The following ESRRB variants were observed in gnomAD, a reference collection of about 807,000 sequenced individuals.
ESRRB encodes steroid hormone receptor ERR2.
A neutral mutation model predicts 46.0 loss-of-function variants in ESRRB; 16 were observed. That is an observed-to-expected ratio of 0.35 (90% CI 0.24 to 0.53). The LOEUF (loss-of-function observed/expected upper bound fraction) is 0.53, where lower values mean the gene tolerates loss of function less well. Ranked by LOEUF, ESRRB falls within the 20% of genes least tolerant of loss-of-function variation. ESRRB has a pLI of 0.93. For synonymous variants in ESRRB, 246 were observed against 259.6 expected (o/e 0.95, Z 0.50); for missense variants, 488 against 607.4 (o/e 0.80, Z 2.07).
intron 1 of ESRRB, among the ~76,000 whole-genome samples, chr14:76,394,648 G>T (rs1469624407): frequency 1.3e-5 from 2 of 152,220 alleles, no homozygotes; most frequent in Non-Finnish European, 2.9e-5. Context: ...GCCAGGGCTT[G>T]GCCTCTTGAC....
At chr14:76,350,568 C>A (rs1884302311) in intron 1 of ESRRB, among the ~76,000 whole-genome samples, 1 of 151,852 alleles carries the variant, frequency 6.6e-6, no homozygotes, top group Non-Finnish European at 1.5e-5. Context: ...TGAGTCACTC[C>A]CCAGTTTTCA....
At chr14:76,385,837 C>T (rs1424451204) in intron 1 of ESRRB, among the ~76,000 whole-genome samples, 1 of 152,096 alleles carries the variant, frequency 6.6e-6, no homozygotes, top group Non-Finnish European at 1.5e-5. Context: ...AGTAATTGAC[C>T]AGAAATTTAC....
chr14:76,353,434 A>G (rs72731613), intron 1 of ESRRB, among the ~76,000 whole-genome samples: 11,420 of 152,152 alleles, frequency 0.075, 604 homozygotes, highest in Admixed American at 0.12. Flanking sequence ...AGACTCGGGG[A>G]TTACAGTTCC....
At chr14:76,367,949 CTTTT>C (rs778235037), upstream of ESRRB, among the ~76,000 whole-genome samples, 14 of 95,284 alleles carry the variant, frequency 1.5e-4, no homozygotes, top group African/African-American at 2.9e-4. Flanking sequence ...TTCCAGTTTG[CTTTT>C]TTTTTTTTTT....
At chr14:76,462,179 GGTGGTGGTA>G (rs1888893865) in intron 2 of ESRRB, among the ~76,000 whole-genome samples, 2 of 152,034 alleles carry the variant, frequency 1.3e-5, no homozygotes, top group Middle Eastern at 3.4e-3. Context: ...TGGTGGTGGT[GGTGGTGGTA>G]GTGGTGGTCT....
chr14:76,430,790 T>C (rs540479013), intron 1 of ESRRB, among the ~76,000 whole-genome samples: 1 of 152,346 alleles, frequency 6.6e-6, no homozygotes, highest in South Asian at 2.1e-4. Context: ...CCCAGCTGCT[T>C]GTTCCAGTTC....
intron 2 of ESRRB, among the ~76,000 whole-genome samples, chr14:76,444,878 T>C (rs921470769): frequency 3.3e-5 from 5 of 151,924 alleles, no homozygotes; most frequent in African/African-American, 1.2e-4. Flanking sequence ...GCTCTGAAAA[T>C]TGGGCCAGGT....
At position 76,376,654 on chromosome 14, in the gene ESRRB, C is replaced by T. The variant is rs1399455605; in HGVS notation, c.50+203C>T. Among the ~76,000 whole-genome samples the T allele has an allele frequency of 2.0e-5, 3 of 152,192 alleles. No individual in the cohort carries two copies. Among genetic ancestry groups the T allele is most frequent in the Admixed American group, 6.5e-5 (1 of 15,276 alleles). On this transcript the variant is annotated intron_variant, in intron 1 of 6. Transcript: ENST00000644823. The surrounding 1 kb of genome is among the most constrained non-coding windows in gnomAD (Gnocchi z 4.1). ...AACCCTCCTCTAACTTTTTCCCGCA[C>T]CCCCTTTTACAAATCCACACTTTCA...
At chr14:76,351,986 T>TAAAAAAAAAA (rs201356393) in intron 1 of ESRRB, among the ~76,000 whole-genome samples, 13 of 91,778 alleles carry the variant, frequency 1.4e-4, no homozygotes, top group African/African-American at 5.8e-4. Flanking sequence ...CCCAGTCTCT[T>TAAAAAAAAAA]AAAAAAAAAA....
At chr14:76,464,985 T>A (rs1889044641) in intron 3 of ESRRB, among the ~76,000 whole-genome samples, 2 of 151,928 alleles carry the variant, frequency 1.3e-5, no homozygotes, top group South Asian at 4.2e-4. Flanking sequence ...GACCTGTTGT[T>A]CTCACATACA....
intron 1 of ESRRB, among the ~76,000 whole-genome samples, chr14:76,405,551 T>C (rs968880082): frequency 6.6e-6 from 1 of 151,866 alleles, no homozygotes; most frequent in Non-Finnish European, 1.5e-5. Context: ...TCAGAAGAGG[T>C]AGAATGCTTC....
chr14:76,400,848 C>T (rs923813727), intron 1 of ESRRB, among the ~76,000 whole-genome samples: 6 of 152,228 alleles, frequency 3.9e-5, no homozygotes, highest in Admixed American at 1.3e-4. Flanking sequence ...CCCATTGGTG[C>T]TCTGCTCTTC....
chr14:76,389,505 G>A (rs1885380326), intron 1 of ESRRB, among the ~76,000 whole-genome samples: 1 of 152,212 alleles, frequency 6.6e-6, no homozygotes, highest in Non-Finnish European at 1.5e-5. Context: ...AGAAGGGCCT[G>A]GGAAGAGGTA....
At chr14:76,380,273 G>A (rs1054476859) in intron 1 of ESRRB, among the ~76,000 whole-genome samples, 19 of 152,170 alleles carry the variant, frequency 1.2e-4, no homozygotes, top group Admixed American at 1.0e-3. Context: ...GTGACAGAGA[G>A]ACATTGAGGG....
intron 1 of ESRRB, among the ~76,000 whole-genome samples, chr14:76,390,182 G>A (rs7144834): frequency 0.081 from 12,386 of 152,254 alleles, 941 homozygotes; most frequent in African/African-American, 0.2. Flanking sequence ...TTAGATTGCT[G>A]TAAAGATTAA....
At chr14:76,381,255 G>A (rs1271524667) in intron 1 of ESRRB, among the ~76,000 whole-genome samples, 1 of 152,140 alleles carries the variant, frequency 6.6e-6, no homozygotes, top group Non-Finnish European at 1.5e-5. Flanking sequence ...ACCAGCTCTG[G>A]GGGACTGGGA....
rs1179559422 is a variant in ESRRB, at chr14:76,500,797, A to G, written c.*2339A>G. 19 of 1,533,968 alleles carry G rather than the reference A, an allele frequency of 1.2e-5. No homozygotes were observed. The highest frequency in any genetic ancestry group is 1.7e-5 in the Non-Finnish European group (19 of 1,107,166). On this transcript the variant is annotated 3_prime_UTR_variant, in exon 7 of 7. Coordinates refer to ENST00000644823, the MANE Select transcript of ESRRB (RefSeq NM_001379180.1). The stretch of plus-strand genomic sequence containing the variant: ...ACTGGATCTAGTGTTGCTGCGAGTG[A>G]CCTCACTTCAGAGCCCCTCTAGCAG...
chr14:76,318,205 CCCA>C (rs1883824399), intron 1 of ESRRB, among the ~76,000 whole-genome samples: 1 of 152,180 alleles, frequency 6.6e-6, no homozygotes, highest in Non-Finnish European at 1.5e-5. Flanking sequence ...TCTGGAGAGG[CCCA>C]ACACCTGGGC....
intron 1 of ESRRB, among the ~76,000 whole-genome samples, chr14:76,314,489 G>A (rs942627991): frequency 6.6e-6 from 1 of 152,164 alleles, no homozygotes; most frequent in Non-Finnish European, 1.5e-5. Context: ...TGGGGCCAGA[G>A]AAATGGATTC....
Sources: gnomAD v4.1 joint callset for allele counts (sites outside exome capture counted in the v4.1 genomes callset) on GRCh38, gnomAD v4.1.1 for gene constraint, Gnocchi (gnomAD v3.1) non-coding constraint, MANE v1.5 for transcripts, NCBI Gene and HGNC (gene_info 2026-07-23, HGNC 2026-07-21) for gene names.